The following FGF1 variants were observed in gnomAD, a reference collection of about 807,000 sequenced individuals.
FGF1 encodes the protein fibroblast growth factor 1.
FGF1 carries 9 observed loss-of-function variants against 13.4 expected under a neutral mutation model. The ratio of observed to expected loss-of-function variants is 0.67; its 90% confidence interval spans 0.40 to 1.17. FGF1 has a LOEUF of 1.17. Ranked by LOEUF, FGF1 falls within the 50% of genes most tolerant of loss-of-function variation. FGF1 has a pLI of 0.01. For synonymous variants in FGF1, 93 were observed against 79.0 expected, an observed-to-expected ratio of 1.18 and a Z score of -0.94; for missense variants, 156 against 192.7, an observed-to-expected ratio of 0.81 and a Z score of 1.13.
intron 1 of FGF1, among the ~76,000 whole-genome samples, chr5:142,650,619 G>C (rs1006128930): frequency 4.6e-5 from 7 of 151,924 alleles, no homozygotes; most frequent in African/African-American, 1.7e-4. Flanking sequence ...GACTGTTATT[G>C]TTTGACCCCT....
intron 2 of FGF1, among the ~76,000 whole-genome samples, chr5:142,604,873 C>T (rs144950212): frequency 9.9e-5 from 15 of 152,218 alleles, no homozygotes; most frequent in African/African-American, 3.4e-4. Flanking sequence ...CCAAATCCAG[C>T]GATACTCTCC....
intron 1 of FGF1, among the ~76,000 whole-genome samples, chr5:142,643,658 C>T (rs1765547929): frequency 6.6e-6 from 1 of 152,192 alleles, no homozygotes; most frequent in African/African-American, 2.4e-5. Context: ...AGAGAGGTGA[C>T]CGCTAAGGAA....
intron 1 of FGF1, chr5:142,621,478 C>T (rs184144010): frequency 6.6e-6 from 1 of 151,996 alleles, no homozygotes; most frequent in Admixed American, 6.6e-5. Flanking sequence ...CGGATATTTC[C>T]TCCTCGAGCA....
chr5:142,691,803 T>C (rs1431174967), intron 2 of FGF1, among the ~76,000 whole-genome samples: 7 of 152,244 alleles, frequency 4.6e-5, no homozygotes, highest in Admixed American at 3.9e-4. Flanking sequence ...TGACGATGCC[T>C]GGCATATAGT....
At chr5:142,603,898 G>T (rs1449374872) in intron 2 of FGF1, among the ~76,000 whole-genome samples, 1 of 152,164 alleles carries the variant, frequency 6.6e-6, no homozygotes, top group East Asian at 1.9e-4. Context: ...GGAGCAAGTA[G>T]ATACATGGAA....
At chr5:142,678,431 C>T (rs1773060950) in intron 1 of FGF1, among the ~76,000 whole-genome samples, 1 of 152,186 alleles carries the variant, frequency 6.6e-6, no homozygotes, top group Admixed American at 6.5e-5. Flanking sequence ...ATTCAGGCAC[C>T]TGCAAGGCTG....
chr5:142,639,108 TA>T (rs943545586), intron 1 of FGF1, among the ~76,000 whole-genome samples: 4 of 152,006 alleles, frequency 2.6e-5, no homozygotes, highest in Non-Finnish European at 5.9e-5. Context: ...GAAAACAGTA[TA>T]GAGGTTCCTC....
rs1446875805 is a variant in FGF1, at chr5:142,629,766, TTATTTAATATTTTGCTA to T, written c.-34-15622_-34-15606del. Among the ~76,000 whole-genome samples, 14 of 150,900 alleles carry T rather than the reference TTATTTAATATTTTGCTA, an allele frequency of 9.3e-5. No homozygotes were observed. The East Asian group carries it at 2.7e-3, about 29-fold the overall frequency. On this transcript the variant is annotated intron_variant, in intron 1 of 3. Coordinates refer to ENST00000337706, the MANE Select transcript of FGF1 (RefSeq NM_000800.5). The stretch of plus-strand genomic sequence containing the variant: ...GTTACTCATCCTGTCTTTATTATTA[TTATTTAATATTTTGCTA>T]TATTTAATATTTTGTTAATCACAGA...
At chr5:142,632,818 C>T (rs1164764897) in intron 1 of FGF1, among the ~76,000 whole-genome samples, 1 of 151,968 alleles carries the variant, frequency 6.6e-6, no homozygotes, top group Admixed American at 6.5e-5. Flanking sequence ...TGCACCTTCA[C>T]TTGTAATGGT....
chr5:142,656,307 T>C (rs1488802793), intron 1 of FGF1, among the ~76,000 whole-genome samples: 1 of 152,066 alleles, frequency 6.6e-6, no homozygotes, highest in Non-Finnish European at 1.5e-5. Flanking sequence ...TTAATAAGTG[T>C]TACTATGTAT....
chr5:142,611,655 C>T (rs959166876), intron 2 of FGF1, among the ~76,000 whole-genome samples: 3 of 152,168 alleles, frequency 2.0e-5, no homozygotes, highest in African/African-American at 4.8e-5. Flanking sequence ...GACAGGTACA[C>T]GGATGGGCTT....
chr5:142,694,164 T>G (rs1374592423), intron 2 of FGF1, among the ~76,000 whole-genome samples: 1 of 151,672 alleles, frequency 6.6e-6, no homozygotes, highest in African/African-American at 2.4e-5. Context: ...TGTATATATG[T>G]ATTCCCCCCC....
At chr5:142,645,479 T>A (rs1223447613) in intron 1 of FGF1, among the ~76,000 whole-genome samples, 1 of 152,190 alleles carries the variant, frequency 6.6e-6, no homozygotes, top group African/African-American at 2.4e-5. Context: ...TGGGTTCCAA[T>A]CCCAGCTCTT....
chr5:142,607,800 C>T (rs541546269), intron 2 of FGF1, among the ~76,000 whole-genome samples: 1 of 152,276 alleles, frequency 6.6e-6, no homozygotes, highest in South Asian at 2.1e-4. Flanking sequence ...TTGTCCCATG[C>T]TCATTATTTA....
At chr5:142,659,866 A>G (rs181281909) in intron 1 of FGF1, among the ~76,000 whole-genome samples, 83 of 152,332 alleles carry the variant, frequency 5.4e-4, no homozygotes, top group African/African-American at 1.9e-3. Context: ...GACAGGGAAC[A>G]TGCCCTTTGG....
At chr5:142,619,188 C>T (rs1232758394) in intron 1 of FGF1, among the ~76,000 whole-genome samples, 2 of 152,240 alleles carry the variant, frequency 1.3e-5, no homozygotes, top group South Asian at 2.1e-4. Context: ...CCCGCCTCAG[C>T]CTCCCAAAGT....
At chr5:142,598,781 G>A (rs1755831754) in intron 3 of FGF1, among the ~76,000 whole-genome samples, 1 of 152,200 alleles carries the variant, frequency 6.6e-6, no homozygotes, top group East Asian at 1.9e-4. Context: ...CATATTTCAG[G>A]TGAATTGTAG....
Position 142,592,808 on chromosome 5 carries a change from G to GA in FGF1, c.*2481_*2482insT, listed in dbSNP as rs397702956. 5.4e-6 allele frequency: 1 copy of GA among 184,616 alleles called. No individual in the cohort carries two copies. Among genetic ancestry groups the GA allele is most frequent in the African/African-American group, 2.3e-5 (1 of 42,732 alleles). 11.4% of individuals were successfully genotyped at this position (184,616 alleles called of 1,614,324 possible). A position where few individuals can be genotyped will look rare whatever the true frequency, so the allele number is the denominator to read the frequency against. On this transcript the variant is annotated 3_prime_UTR_variant, in exon 4 of 4. Coordinates refer to ENST00000337706, the MANE Select transcript of FGF1 (RefSeq NM_000800.5). ...TGATAGGGGTTTATTTTATGCTGGGGTTGCTGATTCTTCCAAAATCTGGGT... is the reference window on the plus strand; with the variant it reads ...TGATAGGGGTTTATTTTATGCTGGGGATTGCTGATTCTTCCAAAATCTGGGT...
intron 2 of FGF1, among the ~76,000 whole-genome samples, chr5:142,612,193 C>T (rs754203320): frequency 2.0e-5 from 3 of 152,330 alleles, no homozygotes; most frequent in South Asian, 2.1e-4. Flanking sequence ...TTAAGTCAGG[C>T]GGCCAAATCC....
Sources: allele counts gnomAD v4.1 joint callset (sites outside exome capture counted in the v4.1 genomes callset), GRCh38; gene constraint gnomAD v4.1.1; transcripts MANE v1.5; gene names NCBI Gene and HGNC (gene_info 2026-07-23, HGNC 2026-07-21).